The following FGGY variants were observed in gnomAD, a reference collection of about 807,000 sequenced individuals.
FGGY encodes the protein FGGY carbohydrate kinase domain containing.
In FGGY, 72 loss-of-function variants were observed where a neutral mutation model predicts 71.3. That is an observed-to-expected ratio of 1.01 (90% confidence interval 0.84 to 1.23). FGGY has a LOEUF of 1.23. Among genes scored for constraint, FGGY ranks in the 50% most tolerant of loss-of-function variants. FGGY has a pLI of 0.00. For synonymous variants in FGGY, 251 were observed against 250.3 expected (o/e 1.00, Z -0.02); for missense variants, 668 against 682.3 (o/e 0.98, Z 0.23).
chr1:59,627,491 C>CAT (rs2096870564), intron 10 of FGGY, among the ~76,000 whole-genome samples: 1 of 91,392 alleles, frequency 1.1e-5, no homozygotes, highest in Admixed American at 1.2e-4. Flanking sequence ...TATATATATA[C>CAT]ACACACACAC....
In FGGY at chr1:59,482,451, C is replaced by G. The variant is rs958184537; in HGVS notation, c.670+25375C>G. Among the ~76,000 whole-genome samples, 30 of 151,986 alleles carry G rather than the reference C, an allele frequency of 2.0e-4. 2 individuals carry two copies. Among genetic ancestry groups the G allele is most frequent in the African/African-American group, 7.2e-4 (30 of 41,438 alleles). The stretch of plus-strand genomic sequence containing the variant: ...AAGTTTTTGCCGCAGCAAAAATGAC[C>G]ACTTATCTAAGAGGCTGCATATTTA... On this transcript the variant is annotated intron_variant, in intron 6 of 15. Coordinates refer to ENST00000303721, the MANE Select transcript of FGGY (RefSeq NM_018291.5).
chr1:59,462,710 C>T (rs1341296430), intron 6 of FGGY, among the ~76,000 whole-genome samples: 2 of 152,152 alleles, frequency 1.3e-5, no homozygotes, highest in African/African-American at 4.8e-5. Flanking sequence ...TGAAAAAATG[C>T]TCATCATCAC....
chr1:59,619,224 C>G (rs915049895), intron 9 of FGGY, among the ~76,000 whole-genome samples: 1 of 152,056 alleles, frequency 6.6e-6, no homozygotes, highest in Middle Eastern at 3.2e-3. Context: ...AGGTACTGTT[C>G]TGAGTGAGAA....
rs573288535 is a variant in FGGY, at chr1:59,476,609, C to A, written c.670+19533C>A. Among the ~76,000 whole-genome samples, 3 of 152,342 alleles carry A rather than the reference C, an allele frequency of 2.0e-5. No homozygotes were observed. In the South Asian group the frequency reaches 6.2e-4, roughly 32 times the overall value. ...GCCTCACATTCATGAAGACCACTGACAAAAAGGCCCCAGGGCCCCAGATGA... is the reference window on the plus strand; with the variant it reads ...GCCTCACATTCATGAAGACCACTGAAAAAAAGGCCCCAGGGCCCCAGATGA... On this transcript the variant is annotated intron_variant, in intron 6 of 15. Coordinates refer to ENST00000303721, the MANE Select transcript of FGGY (RefSeq NM_018291.5).
chr1:59,618,995 T>C (rs1338442975), intron 9 of FGGY, among the ~76,000 whole-genome samples: 1 of 152,074 alleles, frequency 6.6e-6, no homozygotes, highest in Admixed American at 6.6e-5. Context: ...ATTTTTTGTA[T>C]ACCCACCTGG....
In FGGY at chr1:59,479,072, T is replaced by C. The variant is rs367987184; in HGVS notation, c.670+21996T>C. Among the ~76,000 whole-genome samples, 113 of 152,330 alleles carry C rather than the reference T, an allele frequency of 7.4e-4. 1 individual carries two copies. Among genetic ancestry groups the C allele is most frequent in the African/African-American group, 2.6e-3 (110 of 41,580 alleles). On this transcript the variant is annotated intron_variant, in intron 6 of 15. Transcript: ENST00000303721. ...GTGCCAAGTGCTTAATGTGGACTGT[T>C]ACATTACAACAACATGAGATGTGTA...
At chr1:59,589,492 C>T (rs1489727875) in intron 8 of FGGY, among the ~76,000 whole-genome samples, 2 of 152,110 alleles carry the variant, frequency 1.3e-5, no homozygotes, top group Non-Finnish European at 2.9e-5. Context: ...ACATTTTTTC[C>T]AGCACCACAC....
chr1:59,542,509 G>A (rs1571002034), intron 7 of FGGY, among the ~76,000 whole-genome samples: 1 of 132,414 alleles, frequency 7.6e-6, no homozygotes, highest in East Asian at 2.2e-4. Flanking sequence ...GCCCAGGCTG[G>A]AGTGCGATGG....
At chr1:59,501,158 G>C (rs576556208) in intron 6 of FGGY, among the ~76,000 whole-genome samples, 1 of 152,156 alleles carries the variant, frequency 6.6e-6, no homozygotes, top group Non-Finnish European at 1.5e-5. Flanking sequence ...GTCCAGACGA[G>C]AAACCAACGC....
In FGGY at chr1:59,543,181, T is replaced by C. The variant is rs1286622010; in HGVS notation, c.800-10943T>C. On this transcript the variant is annotated intron_variant, in intron 7 of 15. Coordinates refer to ENST00000303721, the MANE Select transcript of FGGY (RefSeq NM_018291.5). ...ACTATGTCAGCCACATGTCATTCAT[T>C]GTGCCACAACCCTGGGCTTTTTATC... Among the ~76,000 whole-genome samples, 4 of 152,368 alleles carry C rather than the reference T, an allele frequency of 2.6e-5. No homozygotes were observed. In the South Asian group the frequency reaches 6.2e-4, roughly 24 times the overall value.
intron 10 of FGGY, among the ~76,000 whole-genome samples, chr1:59,628,157 A>C (rs762392810): frequency 6.6e-6 from 1 of 152,206 alleles, no homozygotes; most frequent in South Asian, 2.1e-4. Context: ...ATAACTTTCC[A>C]GTAGTATATA....
chr1:59,657,028 G>A (rs2097224829), intron 11 of FGGY, among the ~76,000 whole-genome samples: 1 of 152,146 alleles, frequency 6.6e-6, no homozygotes, highest in Non-Finnish European at 1.5e-5. Flanking sequence ...GAATACCAAT[G>A]CTTTTTGGAA....
chr1:59,321,234 C>T (rs1011941566), intron 1 of FGGY, among the ~76,000 whole-genome samples: 2 of 152,196 alleles, frequency 1.3e-5, no homozygotes. Flanking sequence ...TCTCCTACCA[C>T]CCTGTACTTG....
intron 3 of FGGY, among the ~76,000 whole-genome samples, chr1:59,344,898 C>G (rs550613775): frequency 6.6e-6 from 1 of 152,288 alleles, no homozygotes; most frequent in African/African-American, 2.4e-5. Context: ...GGAGGGCTGA[C>G]TCTGTGTTTT....
intron 10 of FGGY, among the ~76,000 whole-genome samples, chr1:59,634,140 C>T (rs2096933884): frequency 6.6e-6 from 1 of 152,178 alleles, no homozygotes; most frequent in African/African-American, 2.4e-5. Context: ...GTTGCAGTGG[C>T]TCACACCTAT....
intron 14 of FGGY, among the ~76,000 whole-genome samples, chr1:59,738,915 C>T (rs2098126118): frequency 6.6e-6 from 1 of 152,204 alleles, no homozygotes; most frequent in South Asian, 2.1e-4. Context: ...AGCTTCGTAG[C>T]TCTGATTTCA....
chr1:59,578,755 T>C (rs541428861), intron 8 of FGGY, among the ~76,000 whole-genome samples: 1 of 152,146 alleles, frequency 6.6e-6, no homozygotes, highest in African/African-American at 2.4e-5. Context: ...ACACCCATAA[T>C]GGTACTACAG....
At chr1:59,633,392 G>A (rs2096926766) in intron 10 of FGGY, among the ~76,000 whole-genome samples, 1 of 152,278 alleles carries the variant, frequency 6.6e-6, no homozygotes, top group East Asian at 1.9e-4. Flanking sequence ...AGAAGACCAA[G>A]GGTCTGTGCT....
intron 6 of FGGY, among the ~76,000 whole-genome samples, chr1:59,463,977 A>G (rs1194293074): frequency 6.6e-6 from 1 of 152,214 alleles, no homozygotes; most frequent in Non-Finnish European, 1.5e-5. Context: ...CTTAACAAGG[A>G]TACCCAGGAC....
Sources: gnomAD v4.1 joint callset for allele counts (sites outside exome capture counted in the v4.1 genomes callset) on GRCh38, gnomAD v4.1.1 for gene constraint, MANE v1.5 for transcripts, NCBI Gene and HGNC (gene_info 2026-07-23, HGNC 2026-07-21) for gene names.